Variants in SCOC observed in about 807,000 individuals in gnomAD.
The protein encoded by SCOC is short coiled-coil protein.
In SCOC, 7 loss-of-function variants were observed where a neutral mutation model predicts 9.9. The observed-to-expected ratio is 0.71, with a 90% CI of 0.40 to 1.33. The LOEUF (loss-of-function observed/expected upper bound fraction) is 1.33, where lower values mean the gene tolerates loss of function less well. SCOC is among the 40% of genes most tolerant of loss of function. The pLI, the probability that SCOC is intolerant of heterozygous loss-of-function variation, is 0.01. For synonymous variants in SCOC, 19 were observed against 28.2 expected (o/e 0.67, Z 1.03); for missense variants, 66 against 89.7 (o/e 0.74, Z 1.07).
chr4:140,356,978 C>G (rs1727257081), intron 2 of SCOC, among the ~76,000 whole-genome samples: 2 of 151,834 alleles, frequency 1.3e-5, no homozygotes, highest in South Asian at 4.1e-4. Context: ...TTTATTTGTT[C>G]ATTTATTTAG....
At chr4:140,354,509 CTTTTTT>C (rs397878492) in intron 2 of SCOC, among the ~76,000 whole-genome samples, 1 of 103,730 alleles carries the variant, frequency 9.6e-6, no homozygotes, top group Non-Finnish European at 1.9e-5. Flanking sequence ...TCTCAAAGAA[CTTTTTT>C]TTTTTTTTTT....
chr4:140,285,249 G>C (rs1731232057), intron 1 of SCOC: 1 of 456,622 alleles, frequency 2.2e-6, no homozygotes, highest in African/African-American at 2.0e-5. Context: ...ACATATCCTT[G>C]TAATCAGGAG....
At chr4:140,365,038 T>C (rs1045986080) in intron 2 of SCOC, among the ~76,000 whole-genome samples, 2 of 151,918 alleles carry the variant, frequency 1.3e-5, no homozygotes, top group Admixed American at 1.3e-4. Context: ...ATCGTTGTTA[T>C]AAAAAAAAGT....
upstream of SCOC, among the ~76,000 whole-genome samples, chr4:140,372,283 T>G (rs1728089080): frequency 6.6e-6 from 1 of 152,218 alleles, no homozygotes; most frequent in Non-Finnish European, 1.5e-5. Context: ...TCACTACAAT[T>G]AAAAATATTT....
chr4:140,347,461 G>C (rs530931279), intron 2 of SCOC, among the ~76,000 whole-genome samples: 30 of 152,204 alleles, frequency 2.0e-4, no homozygotes, highest in Non-Finnish European at 3.5e-4. Context: ...CACTCCCCTG[G>C]CTTTGATGCC....
intron 2 of SCOC, among the ~76,000 whole-genome samples, chr4:140,352,863 C>A (rs1727040410): frequency 2.6e-5 from 4 of 152,130 alleles, no homozygotes; most frequent in Admixed American, 2.6e-4. Flanking sequence ...TAAATTTGTA[C>A]AAAATCCTTC....
At chr4:140,340,808 T>TTTTTG (rs140552446), upstream of SCOC, among the ~76,000 whole-genome samples, 1 of 111,814 alleles carries the variant, frequency 8.9e-6, no homozygotes. Context: ...TTTTTTTTTT[T>TTTTTG]AGAGGGATAG....
At chr4:140,356,257 T>TAAA (rs1727225056) in intron 2 of SCOC, among the ~76,000 whole-genome samples, 1 of 152,240 alleles carries the variant, frequency 6.6e-6, no homozygotes. Flanking sequence ...GATTCTGTTT[T>TAAA]GTTCCTAAGT....
At chr4:140,330,583 G>C (rs1483145320) in intron 1 of SCOC, among the ~76,000 whole-genome samples, 3 of 152,156 alleles carry the variant, frequency 2.0e-5, no homozygotes, top group African/African-American at 7.2e-5. Context: ...TTTCAGACAA[G>C]GGCTGCAGAG....
chr4:140,383,162 G>A lies in SCOC; in HGVS notation c.*2058G>A, dbSNP rs1728622339. On this transcript the variant is annotated 3_prime_UTR_variant, in exon 4 of 4. Transcript: ENST00000608372. ...GCTGAGAAATGTAGTCCCTGGCTGG[G>A]AAGCCATCTTCCAGCTATAAATACA... 1 of 152,188 alleles carries A rather than the reference G, an allele frequency of 6.6e-6. No individual in the cohort carries two copies. The highest frequency in any genetic ancestry group is 1.5e-5 in the Non-Finnish European group (1 of 68,034). 9.4% of individuals were successfully genotyped at this position (152,188 alleles called of 1,614,324 possible).
Position 140,294,961 on chromosome 4 carries a change from T to A in SCOC, c.-19+37551T>A, listed in dbSNP as rs375773491. Among the ~76,000 whole-genome samples, 48 of 152,336 alleles carry A rather than the reference T, an allele frequency of 3.2e-4. 1 individual carries two copies. The South Asian group carries it at 9.5e-3, about 30-fold the overall frequency. ...ACATTGTGCATAAGTGTAGTTATCA[T>A]AATAAATTTGAAATTAAACCCCATA... On this transcript the variant is annotated intron_variant, in intron 1 of 4. Coordinates refer to the SCOC transcript ENST00000394205.
upstream of SCOC, among the ~76,000 whole-genome samples, chr4:140,338,680 G>A (rs1019651714): frequency 6.6e-6 from 1 of 152,158 alleles, no homozygotes; most frequent in African/African-American, 2.4e-5. Context: ...GCCAAATCAT[G>A]AGTGAACTCC....
intron 1 of SCOC, among the ~76,000 whole-genome samples, chr4:140,313,846 G>A (rs867093780): frequency 2.0e-5 from 3 of 151,930 alleles, no homozygotes; most frequent in East Asian, 3.9e-4. Context: ...ACATACAGTC[G>A]GCTAGGTGCG....
chr4:140,344,194 G>A (rs1254148087), intron 2 of SCOC, among the ~76,000 whole-genome samples: 1 of 152,184 alleles, frequency 6.6e-6, no homozygotes, highest in Non-Finnish European at 1.5e-5. Flanking sequence ...TGGGAGAGCA[G>A]TTCTAAAATG....
chr4:140,276,478 G>T (rs1730986204), intron 1 of SCOC, among the ~76,000 whole-genome samples: 1 of 151,590 alleles, frequency 6.6e-6, no homozygotes, highest in Admixed American at 6.6e-5. Flanking sequence ...TGTTTTGTTT[G>T]TTTGAGACAG....
chr4:140,337,082 T>C (rs763793139), intron 1 of SCOC, among the ~76,000 whole-genome samples: 4 of 152,204 alleles, frequency 2.6e-5, no homozygotes, highest in Non-Finnish European at 5.9e-5. Context: ...TTTTTAAAAA[T>C]TGTGTTGTCT....
chr4:140,313,647 A>T (rs894977812), intron 1 of SCOC, among the ~76,000 whole-genome samples: 1 of 152,170 alleles, frequency 6.6e-6, no homozygotes, highest in Non-Finnish European at 1.5e-5. Context: ...ATCTGCACCT[A>T]AGAGATAGAG....
In SCOC at chr4:140,263,314, G is replaced by A. The variant is rs534070046; in HGVS notation, c.-19+5904G>A. Among the ~76,000 whole-genome samples, 4 of 152,298 alleles carry A rather than the reference G, an allele frequency of 2.6e-5. No individual in the cohort carries two copies. In the South Asian group the frequency reaches 6.2e-4, roughly 24 times the overall value. Reference sequence around the variant, plus strand: ...TCCACAGAGCAATTTAGGACCATCAGTGTTACAGAGACTCCAACCAACTTG... The same window carrying A: ...TCCACAGAGCAATTTAGGACCATCAATGTTACAGAGACTCCAACCAACTTG... On this transcript the variant is annotated intron_variant, in intron 1 of 4. Coordinates refer to the SCOC transcript ENST00000394205.
At chr4:140,308,766 A>C (rs755425439) in intron 1 of SCOC, among the ~76,000 whole-genome samples, 1 of 152,200 alleles carries the variant, frequency 6.6e-6, no homozygotes, top group African/African-American at 2.4e-5. Flanking sequence ...TCCTCCTGCT[A>C]TGCAAGCTGT....
Sources: gnomAD v4.1 joint callset for allele counts (sites outside exome capture counted in the v4.1 genomes callset) on GRCh38, gnomAD v4.1.1 for gene constraint, MANE v1.5 for transcripts, NCBI Gene and HGNC (gene_info 2026-07-23, HGNC 2026-07-21) for gene names.